MEMO1: variants seen among roughly 807,000 people sequenced by gnomAD.
MEMO1 encodes mediator of cell motility 1, also known as protein MEMO1.
MEMO1 carries 6 observed loss-of-function variants against 45.2 expected under a neutral mutation model. That is an observed-to-expected ratio of 0.13 (90% CI 0.07 to 0.26). MEMO1 has a LOEUF of 0.26. Among genes scored for constraint, MEMO1 ranks in the 10% least tolerant of loss-of-function variants. The probability of loss-of-function intolerance (pLI) is 1.00; values close to 1 mark genes in which losing one functional copy is unlikely to be tolerated. For missense variants in MEMO1, 184 were observed against 370.5 expected, an observed-to-expected ratio of 0.50 and a Z score of 4.13; for synonymous variants, 78 against 124.3, an observed-to-expected ratio of 0.63 and a Z score of 2.48.
At chr2:31,953,615 C>G (rs1178857944) in intron 2 of MEMO1, among the ~76,000 whole-genome samples, 1 of 151,890 alleles carries the variant, frequency 6.6e-6, no homozygotes, top group East Asian at 2.0e-4. Context: ...ACCACCATGT[C>G]CAGCTCATTT....
intron 4 of MEMO1, 113 bp downstream of exon 4, chr2:31,931,954 T>G (rs1484197055): frequency 1.2e-6 from 1 of 827,238 alleles, no homozygotes; most frequent in Non-Finnish European, 1.9e-6. Context: ...AAAAGTCAAA[T>G]CCCTCATGAA....
chr2:31,900,469 G>C (rs1678617011), intron 6 of MEMO1, among the ~76,000 whole-genome samples: 1 of 151,978 alleles, frequency 6.6e-6, no homozygotes, highest in Non-Finnish European at 1.5e-5. Flanking sequence ...TCATTAACTG[G>C]GGCTTTAACA....
intron 2 of MEMO1, among the ~76,000 whole-genome samples, chr2:31,952,934 T>C (rs1267538054): frequency 6.6e-5 from 10 of 152,234 alleles, no homozygotes; most frequent in Admixed American, 6.5e-4. Flanking sequence ...AGACACTGTA[T>C]GATTAAATAA....
intron 4 of MEMO1, among the ~76,000 whole-genome samples, 181 bp from the exon 5 acceptor site, chr2:31,921,091 C>T (rs56156729): frequency 0.044 from 6,702 of 152,244 alleles, 222 homozygotes; most frequent in Non-Finnish European, 0.068. Flanking sequence ...CCCAGTAGCA[C>T]AGACTGTAGT....
chr2:31,909,832 C>T (rs1435904730), intron 6 of MEMO1, among the ~76,000 whole-genome samples: 4 of 151,960 alleles, frequency 2.6e-5, no homozygotes, highest in Non-Finnish European at 5.9e-5. Context: ...ACAGTAATTA[C>T]TGAGAAGTTT....
At chr2:31,989,637 A>C (rs1671697385) in intron 2 of MEMO1, among the ~76,000 whole-genome samples, 1 of 152,238 alleles carries the variant, frequency 6.6e-6, no homozygotes, top group East Asian at 1.9e-4. Flanking sequence ...CTACACTGCA[A>C]TTAATCTTTA....
chr2:31,919,935 C>A (rs999104009), intron 5 of MEMO1, among the ~76,000 whole-genome samples: 16 of 114,110 alleles, frequency 1.4e-4, no homozygotes, highest in Admixed American at 7.1e-4. Flanking sequence ...CATGCACATG[C>A]ACACACACAT....
At chr2:31,971,333 G>A (rs901255991) in intron 2 of MEMO1, among the ~76,000 whole-genome samples, 3 of 151,846 alleles carry the variant, frequency 2.0e-5, no homozygotes, top group African/African-American at 7.3e-5. Context: ...CTGCAGTCTC[G>A]ACCTCCTGGG....
intron 2 of MEMO1, among the ~76,000 whole-genome samples, chr2:31,999,324 C>T (rs1419593647): frequency 6.6e-6 from 1 of 152,106 alleles, no homozygotes; most frequent in African/African-American, 2.4e-5. Flanking sequence ...TTAGATCATG[C>T]CATCAACTGC....
intron 6 of MEMO1, among the ~76,000 whole-genome samples, chr2:31,907,313 TCTA>T (rs1409705012): frequency 2.0e-5 from 3 of 152,180 alleles, no homozygotes; most frequent in Non-Finnish European, 2.9e-5. Flanking sequence ...TCTTATCTCT[TCTA>T]CAAGGCTACA....
chr2:31,965,133 A>C (rs1200609207), intron 2 of MEMO1, among the ~76,000 whole-genome samples: 1 of 151,922 alleles, frequency 6.6e-6, no homozygotes, highest in Non-Finnish European at 1.5e-5. Context: ...GAATCGCTTG[A>C]ACCGGAGAGG....
chr2:31,931,561 T>C (rs997851745), intron 4 of MEMO1, among the ~76,000 whole-genome samples: 15 of 151,738 alleles, frequency 9.9e-5, no homozygotes, highest in Admixed American at 2.0e-4. Context: ...TTTTTTTTTT[T>C]CTAAGCTAAT....
chr2:31,919,069 A>C lies in MEMO1; in HGVS notation c.326-1032T>G, dbSNP rs562781437. The stretch of plus-strand genomic sequence containing the variant: ...CTCAAATTATGAAAACTTATGCCAA[A>C]AATAAGAAAGAAGAATTTTTTCTTG... On this transcript the variant is annotated intron_variant, in intron 5 of 9. Transcript: ENST00000404530. Among the ~76,000 whole-genome samples, 350 of 152,052 alleles carry C rather than the reference A, an allele frequency of 2.3e-3. 1 individual carries two copies. Among genetic ancestry groups the C allele is most frequent in the South Asian group, 5.6e-3 (27 of 4,818 alleles).
intron 2 of MEMO1, among the ~76,000 whole-genome samples, chr2:31,995,472 A>C (rs962692653): frequency 2.6e-5 from 4 of 152,174 alleles, no homozygotes; most frequent in Non-Finnish European, 5.9e-5. Flanking sequence ...AAAATAAGAC[A>C]ATCAAATGGA....
intron 2 of MEMO1, among the ~76,000 whole-genome samples, chr2:32,006,277 AG>A (rs1416183533): frequency 1.3e-5 from 2 of 152,242 alleles, no homozygotes; most frequent in Non-Finnish European, 2.9e-5. Flanking sequence ...GACTGGCAGA[AG>A]GAAGTCCAAT....
intron 6 of MEMO1, among the ~76,000 whole-genome samples, chr2:31,894,649 C>A (rs577620244): frequency 6.6e-6 from 1 of 152,108 alleles, no homozygotes; most frequent in Non-Finnish European, 1.5e-5. Context: ...AGACTGGCAG[C>A]GTATGCACAG....
intron 6 of MEMO1, among the ~76,000 whole-genome samples, chr2:31,914,548 T>C (rs1043406027): frequency 2.6e-5 from 4 of 152,180 alleles, no homozygotes; most frequent in African/African-American, 9.7e-5. Flanking sequence ...TATCCCATTC[T>C]CCATGATGTG....
At chr2:31,991,243 G>A (rs1448141947) in intron 2 of MEMO1, among the ~76,000 whole-genome samples, 1 of 152,178 alleles carries the variant, frequency 6.6e-6, no homozygotes, top group Admixed American at 6.5e-5. Flanking sequence ...CAAGGACAAT[G>A]CAGGAATGAG....
intron 2 of MEMO1, among the ~76,000 whole-genome samples, chr2:31,998,514 T>C (rs1672875892): frequency 1.3e-5 from 2 of 152,212 alleles, no homozygotes; most frequent in East Asian, 1.9e-4. Flanking sequence ...TTAAAAATCA[T>C]TTATGGCTGG....
Sources: allele counts gnomAD v4.1 joint callset (sites outside exome capture counted in the v4.1 genomes callset), GRCh38; gene constraint gnomAD v4.1.1; transcripts MANE v1.5; gene names NCBI Gene and HGNC (gene_info 2026-07-23, HGNC 2026-07-21).